PDE4D: variants seen among roughly 807,000 people sequenced by gnomAD.
PDE4D encodes the protein phosphodiesterase 4D, also known as 3',5'-cyclic-AMP phosphodiesterase 4D.
In PDE4D, 24 loss-of-function variants were observed where a neutral mutation model predicts 87.4. That is an observed-to-expected ratio of 0.27 (90% CI 0.20 to 0.39). The LOEUF (loss-of-function observed/expected upper bound fraction) is 0.39. Ranked by LOEUF, PDE4D falls within the 10% of genes least tolerant of loss-of-function variation. The pLI is 1.00. For missense variants in PDE4D, 714 were observed against 1,041.0 expected, an observed-to-expected ratio of 0.69 and a Z score of 4.32; for synonymous variants, 384 against 383.2, an observed-to-expected ratio of 1.00 and a Z score of -0.02.
At chr5:60,331,371 C>T (rs1336570589) in intron 1 of PDE4D, among the ~76,000 whole-genome samples, 4 of 152,298 alleles carry the variant, frequency 2.6e-5, no homozygotes, top group Non-Finnish European at 5.9e-5. Context: ...AGCCCTGCAC[C>T]AGAATTTACT....
At chr5:59,180,304 A>G (rs1245839130) in intron 5 of PDE4D, 1 of 572,244 alleles carries the variant, frequency 1.7e-6, no homozygotes, top group Non-Finnish European at 3.3e-6. Flanking sequence ...CTTGAAAGTA[A>G]CATCATCTCT....
intron 1 of PDE4D, among the ~76,000 whole-genome samples, chr5:60,409,201 A>G (rs1046552139): frequency 6.6e-6 from 1 of 152,234 alleles, no homozygotes; most frequent in Non-Finnish European, 1.5e-5. Flanking sequence ...AGATCCAGGA[A>G]AATCGAGGTG....
At chr5:60,345,392 C>T (rs955670767) in intron 1 of PDE4D, among the ~76,000 whole-genome samples, 3 of 151,796 alleles carry the variant, frequency 2.0e-5, no homozygotes, top group African/African-American at 4.8e-5. Flanking sequence ...CACATGTATA[C>T]ATATGTAACA....
At chr5:59,480,447 C>T (rs1267759766) in intron 1 of PDE4D, among the ~76,000 whole-genome samples, 1 of 152,128 alleles carries the variant, frequency 6.6e-6, no homozygotes, top group Non-Finnish European at 1.5e-5. Context: ...GCCAATGTCA[C>T]AGATTACCTC....
intron 1 of PDE4D, among the ~76,000 whole-genome samples, chr5:59,504,902 A>ATG (rs61507201): frequency 0.16 from 23,995 of 145,558 alleles, 2,028 homozygotes; most frequent in Middle Eastern, 0.2. Context: ...GTAGGGGTAT[A>ATG]TGTGTGTGTG....
At chr5:59,771,446 A>AGAGAG (rs1561636690) in intron 1 of PDE4D, among the ~76,000 whole-genome samples, 1 of 68,956 alleles carries the variant, frequency 1.5e-5, no homozygotes, top group African/African-American at 7.7e-5. Context: ...AGAAAGAAAG[A>AGAGAG]AAGAAAGAAA....
intron 1 of PDE4D, among the ~76,000 whole-genome samples, chr5:59,350,670 T>C (rs1415098050): frequency 6.6e-6 from 1 of 152,230 alleles, no homozygotes; most frequent in African/African-American, 2.4e-5. Context: ...ATTGCTGCCA[T>C]GTGGAGCTTA....
At chr5:59,998,317 T>G (rs376524053) in intron 2 of PDE4D, among the ~76,000 whole-genome samples, 1 of 152,158 alleles carries the variant, frequency 6.6e-6, no homozygotes, top group African/African-American at 2.4e-5. Flanking sequence ...GATTACAACC[T>G]AGTTTAATGT....
intron 5 of PDE4D, among the ~76,000 whole-genome samples, chr5:59,156,331 A>ATATATATATATATATGTG (rs1384479557): frequency 1.5e-3 from 178 of 122,728 alleles, no homozygotes; most frequent in Middle Eastern, 4.0e-3. Flanking sequence ...ATATATATAT[A>ATATATATATATATATGTG]TGTGTGTGTG....
chr5:60,509,403 A>T (rs1750470482), intron 1 of PDE4D, among the ~76,000 whole-genome samples: 2 of 152,214 alleles, frequency 1.3e-5, no homozygotes, highest in African/African-American at 2.4e-5. Context: ...TCGTCCACAA[A>T]TGACTGCAGA....
intron 1 of PDE4D, among the ~76,000 whole-genome samples, chr5:59,883,690 C>G (rs73761033): frequency 6.6e-6 from 1 of 152,026 alleles, no homozygotes; most frequent in Non-Finnish European, 1.5e-5. Context: ...TTTTACCAAG[C>G]AACTCATTTT....
chr5:59,402,858 C>T (rs1297587273), intron 1 of PDE4D, among the ~76,000 whole-genome samples: 1 of 152,026 alleles, frequency 6.6e-6, no homozygotes, highest in Non-Finnish European at 1.5e-5. Context: ...CATTTCACCT[C>T]TCTACTTCCC....
chr5:59,893,629 T>A lies in PDE4D; in HGVS notation c.-7A>T. 6.7e-7 allele frequency: 1 copy of A among 1,484,306 alleles called. No individual in the cohort carries two copies. Among genetic ancestry groups the A allele is most frequent in the Non-Finnish European group, 8.9e-7 (1 of 1,122,126 alleles). 91.9% of individuals were successfully genotyped at this position (1,484,306 alleles called of 1,614,324 possible). On this transcript the variant is annotated 5_prime_UTR_variant, in exon 1 of 15. Transcript: ENST00000340635. Reference sequence around the variant, plus strand: ...TGCTGCCCTCTGCCTCCATCCTGGCTCGCGGCTCCGCGACCTGCTGCCCAG... The same window carrying A: ...TGCTGCCCTCTGCCTCCATCCTGGCACGCGGCTCCGCGACCTGCTGCCCAG...
At chr5:59,025,424 T>C (rs1048849678) in intron 6 of PDE4D, among the ~76,000 whole-genome samples, 1 of 152,226 alleles carries the variant, frequency 6.6e-6, no homozygotes, top group African/African-American at 2.4e-5. Context: ...TGCACTTTTC[T>C]TTGTAATTTT....
intron 2 of PDE4D, among the ~76,000 whole-genome samples, chr5:60,168,424 AT>A (rs1783124923): frequency 1.3e-5 from 2 of 152,124 alleles, no homozygotes; most frequent in Non-Finnish European, 2.9e-5. Context: ...CTAACTAACC[AT>A]TCCACTGTAG....
At chr5:59,838,231 C>G (rs1217738021) in intron 1 of PDE4D, among the ~76,000 whole-genome samples, 1 of 152,040 alleles carries the variant, frequency 6.6e-6, no homozygotes, top group African/African-American at 2.4e-5. Flanking sequence ...CCCAAGGCAT[C>G]CCCACCTCCA....
chr5:60,292,277 T>C (rs1400905627), intron 1 of PDE4D, among the ~76,000 whole-genome samples: 2 of 152,326 alleles, frequency 1.3e-5, no homozygotes, highest in East Asian at 1.9e-4. Context: ...CTGAGGATTA[T>C]GAGAGAATCC....
intron 1 of PDE4D, among the ~76,000 whole-genome samples, chr5:59,394,113 C>A (rs443191): frequency 2.0e-5 from 3 of 151,692 alleles, no homozygotes; most frequent in Non-Finnish European, 4.4e-5. Context: ...CTAAAATATA[C>A]TGTGTCGTTT....
At chr5:59,135,872 G>A (rs779500703) in intron 5 of PDE4D, among the ~76,000 whole-genome samples, 8 of 152,062 alleles carry the variant, frequency 5.3e-5, no homozygotes, top group South Asian at 2.1e-4. Flanking sequence ...TCATGCATTC[G>A]TTGTCCATTT....
Sources: allele counts gnomAD v4.1 joint callset (sites outside exome capture counted in the v4.1 genomes callset), GRCh38; gene constraint gnomAD v4.1.1; transcripts MANE v1.5; gene names NCBI Gene and HGNC (gene_info 2026-07-23, HGNC 2026-07-21).